DNAJC18: variants seen among roughly 807,000 people sequenced by gnomAD.
DNAJC18 encodes the protein DnaJ heat shock protein family (Hsp40) member C18.
In DNAJC18, 40 loss-of-function variants were observed where a neutral mutation model predicts 48.6. The ratio of observed to expected loss-of-function variants is 0.82; its 90% CI spans 0.64 to 1.07. The LOEUF (loss-of-function observed/expected upper bound fraction) is 1.07, where lower values mean the gene tolerates loss of function less well. Among genes scored for constraint, DNAJC18 ranks in the 50% least tolerant of loss-of-function variants. The pLI is 0.00. For missense variants in DNAJC18, 340 were observed against 427.7 expected, an observed-to-expected ratio of 0.79 and a Z score of 1.81; for synonymous variants, 135 against 152.2, an observed-to-expected ratio of 0.89 and a Z score of 0.83.
At chr5:139,414,295 A>G (rs1359764893) in intron 7 of DNAJC18, 23 bp from the exon 8 acceptor site, 1 of 1,602,106 alleles carries the variant, frequency 6.2e-7, no homozygotes, top group Non-Finnish European at 8.5e-7. Context: ...AGAGGTAACC[A>G]ATTCATCAAG....
intron 6 of DNAJC18, among the ~76,000 whole-genome samples, 185 bp downstream of exon 6, chr5:139,422,523 A>C (rs1390228237): frequency 6.6e-6 from 1 of 152,244 alleles, no homozygotes; most frequent in Admixed American, 6.5e-5. Flanking sequence ...TTCCCGAGGC[A>C]CACAGGAGAC....
chr5:139,435,908 C>T (rs1750647078), intron 2 of DNAJC18, among the ~76,000 whole-genome samples: 1 of 150,954 alleles, frequency 6.6e-6, no homozygotes, highest in African/African-American at 2.4e-5. Context: ...TTTTATTGTA[C>T]TAATGAAGTT....
chr5:139,416,876 A>G (rs1759076307), intron 7 of DNAJC18, among the ~76,000 whole-genome samples: 1 of 152,216 alleles, frequency 6.6e-6, no homozygotes, highest in Non-Finnish European at 1.5e-5. Flanking sequence ...TGTTTATAGT[A>G]AGGGATTACT....
At chr5:139,437,340 A>T in intron 2 of DNAJC18, 32 bp downstream of exon 2, 1 of 1,562,664 alleles carries the variant, frequency 6.4e-7, no homozygotes, top group Non-Finnish European at 8.6e-7. Flanking sequence ...ACTTTCCATA[A>T]AATCACTCAT....
rs763428111 is a variant in DNAJC18, at chr5:139,426,242, G to A, written c.489C>T (p.Tyr163=). ...GAGTGATGTCAGCTTCAAAATCCCT[G>A]TAATAATTATAAGGTCTGGCTCGAG... ...TAPRARPYNY[Y]RDFEADITPE... The change falls in exon 4 of 8, where the codon TAC becomes TAT. Residue 163 remains tyrosine (Y), a synonymous_variant. Coordinates refer to ENST00000302060, the MANE Select transcript of DNAJC18 (RefSeq NM_152686.4). 11 of 1,614,226 alleles carry A rather than the reference G, an allele frequency of 6.8e-6. No homozygotes were observed. Among genetic ancestry groups the A allele is most frequent in the Admixed American group, 1.7e-5 (1 of 60,022 alleles).
chr5:139,434,482 C>A (rs981352172), intron 2 of DNAJC18, among the ~76,000 whole-genome samples: 4 of 152,084 alleles, frequency 2.6e-5, no homozygotes, highest in Non-Finnish European at 4.4e-5. Flanking sequence ...TGCCACCACA[C>A]CTGGCTAAAT....
chr5:139,436,133 T>G lies in DNAJC18; in HGVS notation c.227+1239A>C, dbSNP rs534434825. Among the ~76,000 whole-genome samples, 21 of 152,286 alleles carry G rather than the reference T, an allele frequency of 1.4e-4. No individual in the cohort carries two copies. The South Asian group carries it at 3.5e-3, about 26-fold the overall frequency. ...GAAATAAGGTCTCTGTCACCGAAGCTGCAATGCAGTGGCACTACCATAGCT... is the reference window on the plus strand; with the variant it reads ...GAAATAAGGTCTCTGTCACCGAAGCGGCAATGCAGTGGCACTACCATAGCT... On this transcript the variant is annotated intron_variant, in intron 2 of 7. Coordinates refer to ENST00000302060, the MANE Select transcript of DNAJC18 (RefSeq NM_152686.4).
Position 139,420,319 on chromosome 5 carries a change from T to A in DNAJC18, c.780-94A>T, listed in dbSNP as rs1759133623. The A allele has an allele frequency of 5.5e-6, 7 of 1,266,562 alleles. No individual in the cohort carries two copies. In the South Asian group the frequency reaches 1.1e-4, roughly 19 times the overall value. The allele number at this position is 1,266,562 out of a possible 1,614,324, so 78.5% of individuals were successfully genotyped here. ...CACAGATATCATCATCATCATCTGCTCATAGAGCAGAGGCAGATATCATTT... is the reference window on the plus strand; with the variant it reads ...CACAGATATCATCATCATCATCTGCACATAGAGCAGAGGCAGATATCATTT... On this transcript the variant is annotated intron_variant, in intron 6 of 7. Transcript: ENST00000302060.
Position 139,437,575 on chromosome 5 carries a change from C to T in DNAJC18, c.41-17G>A. ...CAATGTAAGCTGCAAACAACAGCCC[C>T]TCCATTAGGTCTCCATCTGACCCTG... On this transcript the variant is annotated splice_polypyrimidine_tract_variant and intron_variant, in intron 1 of 7. Coordinates refer to ENST00000302060, the MANE Select transcript of DNAJC18 (RefSeq NM_152686.4). 1.2e-6 allele frequency: 2 copies of T among 1,604,144 alleles called. No individual in the cohort carries two copies. The highest frequency in any genetic ancestry group is 1.7e-6 in the Non-Finnish European group (2 of 1,175,900).
chr5:139,432,428 G>A (rs977725200), intron 2 of DNAJC18, among the ~76,000 whole-genome samples: 4 of 152,046 alleles, frequency 2.6e-5, no homozygotes, highest in Non-Finnish European at 4.4e-5. Flanking sequence ...CTCCCAAAGT[G>A]CTGGGATTAC....
In DNAJC18 at chr5:139,437,592, C is replaced by G. The variant is rs368891247; in HGVS notation, c.41-34G>C. 3 of 1,574,552 alleles carry G rather than the reference C, an allele frequency of 1.9e-6. No homozygotes were observed. In the African/African-American group the frequency reaches 4.1e-5, roughly 22 times the overall value. ...AACAGCCCCTCCATTAGGTCTCCAT[C>G]TGACCCTGAAAATCAACTTTGCAAC... On this transcript the variant is annotated intron_variant, in intron 1 of 7. Transcript: ENST00000302060.
intron 5 of DNAJC18, among the ~76,000 whole-genome samples, chr5:139,424,388 C>T (rs188691161): frequency 3.2e-4 from 49 of 152,228 alleles, no homozygotes; most frequent in African/African-American, 1.1e-3. Context: ...CCTTAAACCC[C>T]CTTTAGTTCT....
At chr5:139,419,039 G>A (rs1407425758) in intron 7 of DNAJC18, 2 of 419,448 alleles carry the variant, frequency 4.8e-6, no homozygotes, top group African/African-American at 4.1e-5. Flanking sequence ...TGAGGGCTTA[G>A]CAGCACTGTG....
chr5:139,437,359 A>G lies in DNAJC18; in HGVS notation c.227+13T>C. ...TCCATAAAATCACTCATTTAATCTC[A>G]CCACATGCTCACCTTTGTACCCCAA... On this transcript the variant is annotated intron_variant, in intron 2 of 7. Coordinates refer to ENST00000302060, the MANE Select transcript of DNAJC18 (RefSeq NM_152686.4). 1 of 1,594,426 alleles carries G rather than the reference A, an allele frequency of 6.3e-7. No individual in the cohort carries two copies. Among genetic ancestry groups the G allele is most frequent in the South Asian group, 1.1e-5 (1 of 87,658 alleles).
Position 139,425,004 on chromosome 5 carries a change from C to A in DNAJC18, c.669+1G>T, listed in dbSNP as rs755936489. 1.2e-6 allele frequency: 2 copies of A among 1,612,394 alleles called. No homozygotes were observed. The stretch of plus-strand genomic sequence containing the variant: ...AGCAGTGCTCCTCCCTCCCTAGGTA[C>A]CTGAGGTTTCTCTTCTTCCTCCTCC... On this transcript the variant is annotated splice_donor_variant, in intron 5 of 7. Coordinates refer to ENST00000302060, the MANE Select transcript of DNAJC18 (RefSeq NM_152686.4). LOFTEE classifies it high-confidence loss of function.
intron 1 of DNAJC18, among the ~76,000 whole-genome samples, chr5:139,438,453 C>T (rs1357479892): frequency 6.6e-6 from 1 of 151,860 alleles, no homozygotes; most frequent in Non-Finnish European, 1.5e-5. Flanking sequence ...CAATGTGGTC[C>T]AGGGAAGCCA....
chr5:139,426,744 CT>C (rs1410371324), intron 3 of DNAJC18, among the ~76,000 whole-genome samples: 1 of 152,132 alleles, frequency 6.6e-6, no homozygotes, highest in Non-Finnish European at 1.5e-5. Flanking sequence ...AAAATGTGTT[CT>C]GGCCAGGTGC....
At chr5:139,437,644 C>CGTAAGCATGAGAAG in intron 1 of DNAJC18, 86 bp from the exon 2 acceptor site, 3 of 1,475,424 alleles carry the variant, frequency 2.0e-6, no homozygotes, top group Non-Finnish European at 2.7e-6. Context: ...GGAGGCTGCT[C>CGTAAGCATGAGAAG]GTAAGCATGA....
rs1370179153 is a variant in DNAJC18, at chr5:139,425,130, A to C, written c.560-16T>G. 1 of 1,594,010 alleles carries C rather than the reference A, an allele frequency of 6.3e-7. No individual in the cohort carries two copies. The highest frequency in any genetic ancestry group is 8.6e-7 in the Non-Finnish European group (1 of 1,163,644). On this transcript the variant is annotated splice_polypyrimidine_tract_variant and intron_variant, in intron 4 of 7. Transcript: ENST00000302060. ...TGAATATTTCCTGGAAAAGAAATACATGGTATGGGATATGGCAAACACTCC... is the reference window on the plus strand; with the variant it reads ...TGAATATTTCCTGGAAAAGAAATACCTGGTATGGGATATGGCAAACACTCC...
Sources: gnomAD v4.1 joint callset for allele counts (sites outside exome capture counted in the v4.1 genomes callset) on GRCh38, gnomAD v4.1.1 for gene constraint, MANE v1.5 for transcripts, NCBI Gene and HGNC (gene_info 2026-07-23, HGNC 2026-07-21) for gene names.